LHFPL6: variants seen among roughly 807,000 people sequenced by gnomAD.
The protein encoded by LHFPL6 is LHFPL tetraspan subfamily member 6, also known as LHFPL tetraspan subfamily member 6 protein.
LHFPL6 carries 9 observed loss-of-function variants against 20.6 expected under a neutral mutation model. That is an observed-to-expected ratio of 0.44 (90% CI 0.26 to 0.76). The LOEUF (loss-of-function observed/expected upper bound fraction) is 0.76, where lower values mean the gene tolerates loss of function less well. Among genes scored for constraint, LHFPL6 ranks in the 30% least tolerant of loss-of-function variants. The pLI, the probability that LHFPL6 is intolerant of heterozygous loss-of-function variation, is 0.20. For missense variants in LHFPL6, 218 were observed against 253.5 expected (o/e 0.86, Z 0.95); for synonymous variants, 105 against 98.7 (o/e 1.06, Z -0.38).
chr13:39,498,847 T>C (rs956492639), intron 2 of LHFPL6, among the ~76,000 whole-genome samples: 3 of 152,162 alleles, frequency 2.0e-5, no homozygotes, highest in African/African-American at 7.2e-5. Flanking sequence ...AGGCTTTGCC[T>C]TTTCCCCAAA....
intron 2 of LHFPL6, among the ~76,000 whole-genome samples, 184 bp downstream of exon 2, chr13:39,600,648 G>T (rs146076932): frequency 6.6e-6 from 1 of 152,302 alleles, no homozygotes; most frequent in African/African-American, 2.4e-5. Context: ...AACTCTTGAA[G>T]TTGTAAAGCA....
intron 2 of LHFPL6, among the ~76,000 whole-genome samples, chr13:39,480,995 T>G (rs1312488899): frequency 6.6e-6 from 1 of 152,196 alleles, no homozygotes. Flanking sequence ...ACTTAATGTG[T>G]TATATATTTA....
intron 2 of LHFPL6, among the ~76,000 whole-genome samples, chr13:39,502,495 C>A (rs1869326953): frequency 6.6e-6 from 1 of 151,768 alleles, no homozygotes; most frequent in Admixed American, 6.6e-5. Flanking sequence ...TGGTGGCGCG[C>A]CTGTGGTTCC....
In LHFPL6 at chr13:39,586,077, T is replaced by C. The variant is rs537165675; in HGVS notation, c.385+14755A>G. Among the ~76,000 whole-genome samples the C allele has an allele frequency of 3.9e-5, 6 of 151,994 alleles. No homozygotes were observed. In the South Asian group the frequency reaches 1.0e-3, roughly 26 times the overall value. On this transcript the variant is annotated intron_variant, in intron 2 of 3. Transcript: ENST00000379589. Reference sequence around the variant, plus strand: ...GATCTCTAGACTAATAAAATAAGAATAGATTCATTAAAACATGGAGGGAAA... The same window carrying C: ...GATCTCTAGACTAATAAAATAAGAACAGATTCATTAAAACATGGAGGGAAA...
chr13:39,591,215 T>C (rs1267832894), intron 2 of LHFPL6, among the ~76,000 whole-genome samples: 1 of 152,056 alleles, frequency 6.6e-6, no homozygotes, highest in African/African-American at 2.4e-5. Context: ...AAAAAGAAAC[T>C]AGATCTGAGC....
At chr13:39,380,828 G>C (rs918632447) in intron 2 of LHFPL6, among the ~76,000 whole-genome samples, 2 of 152,052 alleles carry the variant, frequency 1.3e-5, no homozygotes, top group African/African-American at 2.4e-5. Flanking sequence ...GAACCCTATT[G>C]TGAACTATGC....
At chr13:39,375,405 G>A (rs1226210713) in intron 3 of LHFPL6, among the ~76,000 whole-genome samples, 1 of 152,168 alleles carries the variant, frequency 6.6e-6, no homozygotes, top group Non-Finnish European at 1.5e-5. Context: ...AGTGAACAGG[G>A]ATGGGCCAGG....
At chr13:39,585,544 G>A (rs1181775335) in intron 2 of LHFPL6, among the ~76,000 whole-genome samples, 1 of 152,168 alleles carries the variant, frequency 6.6e-6, no homozygotes, top group Non-Finnish European at 1.5e-5. Context: ...TAGGTCTCCA[G>A]ACTAAAAGAT....
intron 2 of LHFPL6, among the ~76,000 whole-genome samples, chr13:39,561,117 T>C (rs891393766): frequency 2.0e-5 from 3 of 151,830 alleles, no homozygotes; most frequent in Non-Finnish European, 4.4e-5. Context: ...GCTTGGTAAA[T>C]TGACTCACCT....
At chr13:39,449,274 C>A (rs1459315985) in intron 2 of LHFPL6, among the ~76,000 whole-genome samples, 2 of 152,096 alleles carry the variant, frequency 1.3e-5, no homozygotes, top group Non-Finnish European at 2.9e-5. Context: ...ACTTAAATGG[C>A]AAACCAAAGA....
At position 39,356,400 on chromosome 13, in the gene LHFPL6, A is replaced by C. The variant is rs181193270; in HGVS notation, c.485-12346T>G. On this transcript the variant is annotated intron_variant, in intron 3 of 3. Transcript: ENST00000379589. ...GTTGAGAGGACACTTTATAACGCAA[A>C]ATGCCTACATCAAGAAGTTAGAAAG... 1.0e-3 allele frequency among the ~76,000 whole-genome samples: 156 copies of C among 152,356 alleles called. 1 individual carries two copies. The Middle Eastern group carries it at 0.02, about 20-fold the overall frequency.
Position 39,472,051 on chromosome 13 carries a change from G to T in LHFPL6, c.386-93525C>A, listed in dbSNP as rs1872961167. Among the ~76,000 whole-genome samples the T allele has an allele frequency of 2.0e-5, 3 of 152,134 alleles. No individual in the cohort carries two copies. The South Asian group carries it at 6.2e-4, about 32-fold the overall frequency. ...GACAGGTATTCCCAAAATTACACAG[G>T]AAACTGTGACAGAGCAGAGACCAGA... is the stretch of plus-strand genomic sequence containing the variant. On this transcript the variant is annotated intron_variant, in intron 2 of 3. Coordinates refer to ENST00000379589, the MANE Select transcript of LHFPL6 (RefSeq NM_005780.3).
intron 2 of LHFPL6, among the ~76,000 whole-genome samples, chr13:39,444,234 A>T (rs1872224240): frequency 6.6e-6 from 1 of 152,226 alleles, no homozygotes; most frequent in Admixed American, 6.5e-5. Flanking sequence ...CTTACAGTAA[A>T]ATGAAGGAAG....
At chr13:39,431,029 C>T (rs1342010626) in intron 2 of LHFPL6, among the ~76,000 whole-genome samples, 1 of 152,188 alleles carries the variant, frequency 6.6e-6, no homozygotes, top group Non-Finnish European at 1.5e-5. Context: ...TGCAGCTTCA[C>T]TCCTGAAGTC....
chr13:39,545,195 G>T (rs1474385836), intron 2 of LHFPL6, among the ~76,000 whole-genome samples: 1 of 136,542 alleles, frequency 7.3e-6, no homozygotes, highest in Non-Finnish European at 1.5e-5. Context: ...GCAGTGAGCC[G>T]AGATCACACC....
At chr13:39,483,057 T>A (rs1003528780) in intron 2 of LHFPL6, among the ~76,000 whole-genome samples, 5 of 152,212 alleles carry the variant, frequency 3.3e-5, no homozygotes, top group Admixed American at 2.0e-4. Context: ...GTTGCAATAC[T>A]TTTTTTGTAT....
chr13:39,590,162 G>A (rs1872555550), intron 2 of LHFPL6, among the ~76,000 whole-genome samples: 1 of 152,078 alleles, frequency 6.6e-6, no homozygotes, highest in South Asian at 2.1e-4. Context: ...GTTCTCAGCT[G>A]TTAAAAAAAA....
chr13:39,590,276 T>C (rs1288562490), intron 2 of LHFPL6, among the ~76,000 whole-genome samples: 1 of 152,152 alleles, frequency 6.6e-6, no homozygotes, highest in Non-Finnish European at 1.5e-5. Context: ...AAATATTGAA[T>C]CCTATATTCC....
intron 2 of LHFPL6, among the ~76,000 whole-genome samples, chr13:39,534,212 CA>C (rs1870550566): frequency 6.6e-6 from 1 of 152,148 alleles, no homozygotes; most frequent in Non-Finnish European, 1.5e-5. Flanking sequence ...TAGGAGCCTA[CA>C]GCAAAAATGG....
Sources: gnomAD v4.1 joint callset for allele counts (sites outside exome capture counted in the v4.1 genomes callset) on GRCh38, gnomAD v4.1.1 for gene constraint, MANE v1.5 for transcripts, NCBI Gene and HGNC (gene_info 2026-07-23, HGNC 2026-07-21) for gene names.